INA: variants seen among roughly 807,000 people sequenced by gnomAD.
INA encodes the protein alpha-internexin.
Under a neutral mutation model 40.1 loss-of-function variants are expected in INA, and 35 were observed. The ratio of observed to expected loss-of-function variants is 0.87; its 90% confidence interval spans 0.67 to 1.16. The LOEUF (loss-of-function observed/expected upper bound fraction) is 1.16, where lower values mean the gene tolerates loss of function less well. INA is among the 50% of genes most tolerant of loss of function. INA has a pLI of 0.00. For missense variants in INA, 594 were observed against 686.7 expected, an observed-to-expected ratio of 0.87 and a Z score of 1.51; for synonymous variants, 290 against 316.9, an observed-to-expected ratio of 0.92 and a Z score of 0.90.
chr10:103,279,410 C>A (rs2093068024), intron 1 of INA, among the ~76,000 whole-genome samples: 1 of 152,142 alleles, frequency 6.6e-6, no homozygotes, highest in African/African-American at 2.4e-5. Flanking sequence ...TTCTTCCCAA[C>A]AAAGGCCACT....
chr10:103,280,837 T>C (rs1042551444), intron 1 of INA: 2 of 985,338 alleles, frequency 2.0e-6, no homozygotes, highest in African/African-American at 1.7e-5. Context: ...ATTTCTGACA[T>C]AGGGCAATGC....
rs2093066956 is a variant in INA, at chr10:103,278,903, G to GCACACGCACACACACACACA, written c.1065+632_1065+633insGCACACACACACACACACAC. ...ACACACACGATTCCCTTGTCCACCAGCACACACACACACACACACACACAC... is the reference window on the plus strand; with the variant it reads ...ACACACACGATTCCCTTGTCCACCAGCACACGCACACACACACACACACACACACACACACACACACACAC... On this transcript the variant is annotated intron_variant, in intron 1 of 2. Coordinates refer to ENST00000369849, the MANE Select transcript of INA (RefSeq NM_032727.4). The surrounding 1 kb of genome is among the most constrained non-coding windows in gnomAD (Gnocchi z 4.9). Among the ~76,000 whole-genome samples the GCACACGCACACACACACACA allele has an allele frequency of 7.3e-6, 1 of 136,792 alleles. No homozygotes were observed. Among genetic ancestry groups the GCACACGCACACACACACACA allele is most frequent in the African/African-American group, 2.7e-5 (1 of 36,612 alleles). 89.7% of individuals were successfully genotyped at this position (136,792 alleles called of 152,430 possible). A position where few individuals can be genotyped will look rare whatever the true frequency, so the allele number is the denominator to read the frequency against.
intron 2 of INA, 22 bp from the exon 3 acceptor site, chr10:103,288,337 GT>G: frequency 2.5e-6 from 4 of 1,572,518 alleles, no homozygotes; most frequent in Non-Finnish European, 3.4e-6. Context: ...CTTCCTAAGA[GT>G]TTTTCTCTGT....
Position 103,277,723 on chromosome 10 carries a change from T to C in INA, c.512T>C (p.Leu171Pro). 7.2e-7 allele frequency: 1 copy of C among 1,394,962 alleles called. No individual in the cohort carries two copies. The highest frequency in any genetic ancestry group is 1.5e-5 in the African/African-American group (1 of 65,514). The allele number at this position is 1,394,962 out of a possible 1,614,324, so 86.4% of individuals were successfully genotyped here. The change falls in exon 1 of 3, where the codon CTG becomes CCG. Residue 171 changes from leucine to proline, a missense_variant. This residue lies in a region of INA where 379 missense variants were observed against 496.1 expected (regional missense o/e 0.76). Transcript: ENST00000369849. The surrounding 1 kb of genome is among the most constrained non-coding windows in gnomAD (Gnocchi z 5.6). ...RSQALLERDG[L>P]AEEVQRLRAR... ...CAGGCCCTGCTGGAGCGCGACGGGC[T>C]GGCGGAGGAGGTGCAGCGGCTGCGG...
intron 1 of INA, chr10:103,280,012 TACTC>T: frequency 7.8e-7 from 1 of 1,286,020 alleles, no homozygotes. Flanking sequence ...AAGGATAACT[TACTC>T]AGAGCTGCCA....
Position 103,277,174 on chromosome 10 carries a change from C to T in INA, c.-38C>T, listed in dbSNP as rs1404429267. On this transcript the variant is annotated 5_prime_UTR_variant, in exon 1 of 3. Coordinates refer to ENST00000369849, the MANE Select transcript of INA (RefSeq NM_032727.4). This position sits in a 1 kb window ranked among gnomAD's most constrained non-coding sequence, Gnocchi z 5.6. ...CGCACCTCTCCTTTCTTCTGTAGCT[C>T]GCGTTGAAGCCGCACGTCCGGCCCC... 2 of 1,535,250 alleles carry T rather than the reference C, an allele frequency of 1.3e-6. No individual in the cohort carries two copies. Among genetic ancestry groups the T allele is most frequent in the African/African-American group, 2.9e-5 (2 of 69,356 alleles).
intron 1 of INA, chr10:103,280,243 T>C: frequency 1.0e-6 from 1 of 985,422 alleles, no homozygotes; most frequent in Non-Finnish European, 1.2e-6. Context: ...CTTGAGCCTT[T>C]AGAGCCACAG....
intron 1 of INA, among the ~76,000 whole-genome samples, chr10:103,283,455 T>C (rs2093077116): frequency 6.6e-6 from 1 of 152,206 alleles, no homozygotes; most frequent in Non-Finnish European, 1.5e-5. Context: ...CTTTGAAATA[T>C]ATGCATCACG....
chr10:103,283,911 C>A lies in INA; in HGVS notation c.1066-3124C>A, dbSNP rs370779015. On this transcript the variant is annotated intron_variant, in intron 1 of 2. Coordinates refer to ENST00000369849, the MANE Select transcript of INA (RefSeq NM_032727.4). ...GATTACAGGCACACGCCACCACGCC[C>A]AGCTAATTTTTGTATTTTTAGTAGA... Among the ~76,000 whole-genome samples the A allele has an allele frequency of 3.9e-5, 6 of 152,032 alleles. No individual in the cohort carries two copies. The East Asian group carries it at 1.2e-3, about 29-fold the overall frequency.
chr10:103,285,088 A>T (rs2093082404), intron 1 of INA, among the ~76,000 whole-genome samples: 1 of 151,920 alleles, frequency 6.6e-6, no homozygotes, highest in African/African-American at 2.4e-5. Flanking sequence ...GATTCAAACA[A>T]TTCTCCTGCT....
chr10:103,285,516 G>A (rs900247294), intron 1 of INA, among the ~76,000 whole-genome samples: 6 of 144,132 alleles, frequency 4.2e-5, no homozygotes, highest in Non-Finnish European at 9.0e-5. Context: ...GGCTGGTCTC[G>A]AACTCCCGAC....
Position 103,278,326 on chromosome 10 carries a change from C to G in INA, c.1065+50C>G. 1.4e-6 allele frequency: 2 copies of G among 1,381,172 alleles called. No homozygotes were observed. The highest frequency in any genetic ancestry group is 2.0e-6 in the Non-Finnish European group (2 of 1,022,708). The allele number at this position is 1,381,172 out of a possible 1,614,324, so 85.6% of individuals were successfully genotyped here. A position where few individuals can be genotyped will look rare whatever the true frequency, so the allele number is the denominator to read the frequency against. On this transcript the variant is annotated intron_variant, in intron 1 of 2. Coordinates refer to ENST00000369849, the MANE Select transcript of INA (RefSeq NM_032727.4). The surrounding 1 kb of genome is among the most constrained non-coding windows in gnomAD (Gnocchi z 4.9). ...GAGGGGTGCCCTGCCCTCTTCCGCG[C>G]GTACCCTCTTCCTCTGGTAAAACTG...
Position 103,277,899 on chromosome 10 carries a change from G to A in INA, c.688G>A (p.Val230Met). 1 of 1,550,612 alleles carries A rather than the reference G, an allele frequency of 6.4e-7. No homozygotes were observed. Among genetic ancestry groups the A allele is most frequent in the Non-Finnish European group, 8.7e-7 (1 of 1,146,972 alleles). ...GGACGAGCTGGCCTTCGTACGCCAGGTGCACGACGAGGAGGTAGCCGAGCT... is the reference window on the plus strand; with the variant it reads ...GGACGAGCTGGCCTTCGTACGCCAGATGCACGACGAGGAGGTAGCCGAGCT... ...LLDELAFVRQVHDEEVAELLA... is the reference protein window; with the variant it reads ...LLDELAFVRQMHDEEVAELLA... The change falls in exon 1 of 3, where the codon GTG becomes ATG. Residue 230 changes from valine (V) to methionine (M), a missense_variant. Around this residue, in one of 2 missense-constraint regions of INA, gnomAD observed 379 missense variants for 496.1 expected, o/e 0.76. Coordinates refer to ENST00000369849, the MANE Select transcript of INA (RefSeq NM_032727.4). The surrounding 1 kb of genome is among the most constrained non-coding windows in gnomAD (Gnocchi z 5.6).
At position 103,288,909 on chromosome 10, in the gene INA, C is replaced by T. The variant is rs1401149649; in HGVS notation, c.*240C>T. ...TCTAAGAATACAGCTTTCTGACCTT[C>T]AGCTCACGCTTCACAGTGATCGATG... On this transcript the variant is annotated 3_prime_UTR_variant, in exon 3 of 3. Coordinates refer to ENST00000369849, the MANE Select transcript of INA (RefSeq NM_032727.4). 1 of 329,238 alleles carries T rather than the reference C, an allele frequency of 3.0e-6. No homozygotes were observed. Among genetic ancestry groups the T allele is most frequent in the African/African-American group, 2.2e-5 (1 of 46,274 alleles). The allele number at this position is 329,238 out of a possible 1,614,324, so 20.4% of individuals were successfully genotyped here. A position where few individuals can be genotyped will look rare whatever the true frequency, so the allele number is the denominator to read the frequency against.
At chr10:103,282,312 T>C (rs992123569) in intron 1 of INA, among the ~76,000 whole-genome samples, 8 of 152,382 alleles carry the variant, frequency 5.2e-5, no homozygotes, top group African/African-American at 1.9e-4. Flanking sequence ...ATTAACCTGC[T>C]GATGAGACAT....
intron 1 of INA, chr10:103,280,049 T>C (rs1190159034): frequency 7.9e-7 from 1 of 1,272,992 alleles, no homozygotes; most frequent in Non-Finnish European, 1.0e-6. Context: ...TTCTCCATTT[T>C]CTCTGCTTGT....
chr10:103,283,758 T>C (rs1369933327), intron 1 of INA, among the ~76,000 whole-genome samples: 5 of 150,206 alleles, frequency 3.3e-5, no homozygotes, highest in African/African-American at 1.2e-4. Context: ...CTTTTTTTTT[T>C]TTTTTTTTTG....
chr10:103,286,476 T>C (rs2093086346), intron 1 of INA, among the ~76,000 whole-genome samples: 2 of 151,942 alleles, frequency 1.3e-5, no homozygotes, highest in South Asian at 4.1e-4. Flanking sequence ...TTACCTATAA[T>C]GTAAAATGCT....
intron 1 of INA, among the ~76,000 whole-genome samples, chr10:103,281,993 G>A (rs2093073830): frequency 6.6e-6 from 1 of 152,206 alleles, no homozygotes; most frequent in Non-Finnish European, 1.5e-5. Flanking sequence ...GCTCTGCTCA[G>A]ATCTCGAGCT....
Sources: allele counts gnomAD v4.1 joint callset (sites outside exome capture counted in the v4.1 genomes callset), GRCh38; gene constraint gnomAD v4.1.1; regional missense constraint gnomAD v4.1.1; non-coding constraint Gnocchi (gnomAD v3.1); transcripts MANE v1.5; gene names NCBI Gene and HGNC (gene_info 2026-07-23, HGNC 2026-07-21).